TMEM232: variants seen among roughly 807,000 people sequenced by gnomAD.
The protein encoded by TMEM232 is transmembrane protein 232.
A neutral mutation model predicts 78.8 loss-of-function variants in TMEM232; 80 were observed. The observed-to-expected ratio is 1.01, with a 90% CI of 0.85 to 1.22. The LOEUF (loss-of-function observed/expected upper bound fraction) is 1.22, where lower values mean the gene tolerates loss of function less well. TMEM232 is among the 50% of genes most tolerant of loss of function. The pLI is 0.00. For missense variants in TMEM232, 881 were observed against 742.2 expected (o/e 1.19, Z -2.17); for synonymous variants, 297 against 254.3 (o/e 1.17, Z -1.60).
intron 2 of TMEM232, among the ~76,000 whole-genome samples, chr5:110,647,907 C>T (rs1787736405): frequency 6.6e-6 from 1 of 151,958 alleles, no homozygotes; most frequent in Non-Finnish European, 1.5e-5. Flanking sequence ...ACCACCTCTG[C>T]TTATAAATAC....
chr5:110,589,508 C>CT (rs1304516323), intron 10 of TMEM232, among the ~76,000 whole-genome samples: 1 of 152,162 alleles, frequency 6.6e-6, no homozygotes, highest in Non-Finnish European at 1.5e-5. Context: ...AATGGACCAT[C>CT]TAGTCTAGTT....
intron 1 of TMEM232, among the ~76,000 whole-genome samples, chr5:110,685,190 T>C (rs1374954602): frequency 1.3e-5 from 2 of 152,050 alleles, no homozygotes; most frequent in Admixed American, 6.6e-5. Context: ...ATACTACATA[T>C]AAAAACTTAT....
chr5:110,734,760 T>C (rs1349734572), intron 2 of TMEM232: 2 of 152,226 alleles, frequency 1.3e-5, no homozygotes, highest in East Asian at 3.8e-4. Flanking sequence ...TAGTGGATTG[T>C]TATATCACAT....
chr5:110,681,756 A>G (rs1232051194), intron 1 of TMEM232, among the ~76,000 whole-genome samples: 2 of 152,238 alleles, frequency 1.3e-5, no homozygotes, highest in Non-Finnish European at 2.9e-5. Context: ...ACAAATACTA[A>G]TCAGTAATGG....
intron 11 of TMEM232, among the ~76,000 whole-genome samples, chr5:110,541,677 A>G (rs1264274836): frequency 6.6e-6 from 1 of 151,160 alleles, no homozygotes; most frequent in African/African-American, 2.5e-5. Flanking sequence ...AAACATAAAA[A>G]ACGTGGTTCA....
chr5:110,631,076 C>T (rs1321796632), intron 5 of TMEM232, among the ~76,000 whole-genome samples: 1 of 152,098 alleles, frequency 6.6e-6, no homozygotes, highest in South Asian at 2.1e-4. Context: ...TGCATATCTC[C>T]ATATCCCAGG....
At chr5:110,633,045 C>T (rs1470771408) in intron 5 of TMEM232, among the ~76,000 whole-genome samples, 1 of 151,956 alleles carries the variant, frequency 6.6e-6, no homozygotes, top group East Asian at 1.9e-4. Context: ...CAGAAACCTA[C>T]AGGCCAAGAG....
intron 12 of TMEM232, among the ~76,000 whole-genome samples, chr5:110,505,716 G>A (rs1766806657): frequency 6.6e-6 from 1 of 152,012 alleles, no homozygotes; most frequent in South Asian, 2.1e-4. Context: ...CACCATGTTG[G>A]CCAGGCTGGT....
rs1035547044 is a variant in TMEM232 at position 110,655,039 on chromosome 5, C to A, written c.125+12189G>T. ...ACACCAAAAGCAATGGTAACAAAAG[C>A]CAAAATTGACAAATGGGATCTAATT... On this transcript the variant is annotated intron_variant, in intron 2 of 13. Coordinates refer to ENST00000455884, the MANE Select transcript of TMEM232 (RefSeq NM_001039763.4). Among the ~76,000 whole-genome samples the A allele has an allele frequency of 3.3e-5, 5 of 152,062 alleles. No individual in the cohort carries two copies. The East Asian group carries it at 5.8e-4, about 18-fold the overall frequency.
intron 1 of TMEM232, among the ~76,000 whole-genome samples, chr5:110,700,910 T>C (rs770012193): frequency 5.9e-5 from 9 of 151,930 alleles, no homozygotes; most frequent in Admixed American, 2.0e-4. Flanking sequence ...AAGAGCCTTC[T>C]TCCTCAGAGT....
intron 12 of TMEM232, among the ~76,000 whole-genome samples, chr5:110,489,275 C>A (rs1764782142): frequency 6.6e-6 from 1 of 151,644 alleles, no homozygotes; most frequent in African/African-American, 2.4e-5. Context: ...AAGTAAAATA[C>A]AAGCAAACCA....
At chr5:110,694,436 T>C (rs1435704688) in intron 1 of TMEM232, among the ~76,000 whole-genome samples, 5 of 152,030 alleles carry the variant, frequency 3.3e-5, no homozygotes, top group Non-Finnish European at 7.4e-5. Context: ...AATGACGGGA[T>C]CAAATTCATA....
At chr5:110,597,998 C>A (rs141628811) in intron 10 of TMEM232, among the ~76,000 whole-genome samples, 3,649 of 152,160 alleles carry the variant, frequency 0.024, 46 homozygotes, top group African/African-American at 0.031. Flanking sequence ...GCAACAGAAG[C>A]CAAAATTGAC....
chr5:110,415,306 G>T (rs1048018315), downstream of TMEM232, among the ~76,000 whole-genome samples: 3 of 151,536 alleles, frequency 2.0e-5, no homozygotes, highest in African/African-American at 7.3e-5. Flanking sequence ...TCCCGCCTCA[G>T]CCTCCCGAGT....
intron 1 of TMEM232, among the ~76,000 whole-genome samples, chr5:110,702,907 C>T (rs915637714): frequency 5.9e-5 from 9 of 152,020 alleles, no homozygotes; most frequent in African/African-American, 2.2e-4. Flanking sequence ...ACATGTAGCT[C>T]ATGACCTTGG....
chr5:110,585,506 T>C (rs1023401195), intron 10 of TMEM232, among the ~76,000 whole-genome samples: 2 of 152,122 alleles, frequency 1.3e-5, no homozygotes, highest in African/African-American at 2.4e-5. Flanking sequence ...ACAATGTTTG[T>C]TGGGAAAAAG....
At chr5:110,679,004 T>A (rs1160360046) in intron 1 of TMEM232, among the ~76,000 whole-genome samples, 1 of 152,220 alleles carries the variant, frequency 6.6e-6, no homozygotes. Flanking sequence ...TTCTATGGAC[T>A]TAAGTTTTCA....
chr5:110,396,752 C>G (rs938021197), intron 3 of TMEM232, among the ~76,000 whole-genome samples: 17 of 152,162 alleles, frequency 1.1e-4, no homozygotes, highest in African/African-American at 4.1e-4. Context: ...TAAGTACCTC[C>G]TTACTTACAT....
chr5:110,419,257 A>T (rs1315391398), downstream of TMEM232, among the ~76,000 whole-genome samples: 1 of 152,098 alleles, frequency 6.6e-6, no homozygotes, highest in Non-Finnish European at 1.5e-5. Context: ...AGGAACTTGC[A>T]TAGTCTCCAT....
Sources: gnomAD v4.1 joint callset for allele counts (sites outside exome capture counted in the v4.1 genomes callset) on GRCh38, gnomAD v4.1.1 for gene constraint, MANE v1.5 for transcripts, NCBI Gene and HGNC (gene_info 2026-07-23, HGNC 2026-07-21) for gene names.